The following LIMD1 variants were observed in gnomAD, a reference collection of about 807,000 sequenced individuals.
LIMD1 encodes the protein LIM domain containing 1.
A neutral mutation model predicts 58.4 loss-of-function variants in LIMD1; 23 were observed. That is an observed-to-expected ratio of 0.39 (90% confidence interval 0.28 to 0.56). The LOEUF (loss-of-function observed/expected upper bound fraction) is 0.56. LIMD1 is among the 20% of genes least tolerant of loss of function. The pLI is 0.57. For missense variants in LIMD1, 838 were observed against 855.5 expected (o/e 0.98, Z 0.25); for synonymous variants, 334 against 345.5 (o/e 0.97, Z 0.37).
chr3:45,672,666 A>C (rs779873723), intron 4 of LIMD1, 24 bp from the exon 5 acceptor site: 2 of 1,612,194 alleles, frequency 1.2e-6, no homozygotes, highest in African/African-American at 2.7e-5. Flanking sequence ...TATAATCCCC[A>C]CTGAGTCTTG....
chr3:45,619,862 C>T (rs1262364751), intron 1 of LIMD1, among the ~76,000 whole-genome samples: 2 of 116,864 alleles, frequency 1.7e-5, no homozygotes, highest in Non-Finnish European at 3.2e-5. Context: ...TTTTACTGGG[C>T]ATCCTATATT....
At chr3:45,672,153 C>T (rs756988204) in intron 4 of LIMD1, among the ~76,000 whole-genome samples, 3 of 152,230 alleles carry the variant, frequency 2.0e-5, no homozygotes, top group Non-Finnish European at 4.4e-5. Context: ...TATCATGCTC[C>T]AGAGTCAAAG....
At chr3:45,646,466 T>C (rs556321505) in intron 2 of LIMD1, among the ~76,000 whole-genome samples, 1 of 152,336 alleles carries the variant, frequency 6.6e-6, no homozygotes, top group East Asian at 1.9e-4. Flanking sequence ...TCATGTGGAC[T>C]TCAGTCCTCT....
At chr3:45,610,340 G>A (rs1002943633) in intron 1 of LIMD1, among the ~76,000 whole-genome samples, 1 of 152,166 alleles carries the variant, frequency 6.6e-6, no homozygotes, top group African/African-American at 2.4e-5. Flanking sequence ...GGAGGCAGGG[G>A]CACTGGGCTG....
At chr3:45,637,363 C>T (rs576767039) in intron 2 of LIMD1, among the ~76,000 whole-genome samples, 2 of 152,034 alleles carry the variant, frequency 1.3e-5, no homozygotes, top group South Asian at 4.2e-4. Flanking sequence ...TCACTGCAAC[C>T]TCCGCCTCCT....
intron 2 of LIMD1, among the ~76,000 whole-genome samples, chr3:45,643,644 G>A (rs935423948): frequency 1.2e-4 from 19 of 152,240 alleles, no homozygotes; most frequent in Non-Finnish European, 2.2e-4. Flanking sequence ...TTAGTTTTTC[G>A]GTGATATGAG....
chr3:45,615,115 A>C (rs1014952611), intron 1 of LIMD1, among the ~76,000 whole-genome samples: 1 of 152,202 alleles, frequency 6.6e-6, no homozygotes, highest in Admixed American at 6.5e-5. Context: ...GTTCTATGTG[A>C]CACGGGAGCC....
intron 2 of LIMD1, among the ~76,000 whole-genome samples, chr3:45,649,847 T>TG (rs1701948669): frequency 8.7e-6 from 1 of 115,122 alleles, no homozygotes; most frequent in African/African-American, 4.0e-5. Context: ...GAAGTTTTTT[T>TG]GTTTTTTTTT....
In LIMD1 at chr3:45,594,857, AGGCCCGGACACCTGTCT is replaced by A. The variant is rs1701324540; in HGVS notation, c.-21_-5del. 6.6e-7 allele frequency: 1 copy of A among 1,521,552 alleles called. No homozygotes were observed. Among genetic ancestry groups the A allele is most frequent in the Non-Finnish European group, 8.9e-7 (1 of 1,121,588 alleles). The allele number at this position is 1,521,552 out of a possible 1,614,324, so 94.3% of individuals were successfully genotyped here. ...CACACACACACACGGCACCTGGGCT[AGGCCCGGACACCTGTCT>A]GCAGCATGGATAAGTATGACGACCT... On this transcript the variant is annotated 5_prime_UTR_variant, in exon 1 of 8. Transcript: ENST00000273317.
At chr3:45,663,247 A>G (rs1164078217) in intron 2 of LIMD1, among the ~76,000 whole-genome samples, 1 of 152,196 alleles carries the variant, frequency 6.6e-6, no homozygotes, top group Non-Finnish European at 1.5e-5. Context: ...TAGTTTTTCC[A>G]TAACAACGTT....
At chr3:45,615,839 G>A (rs1426831823) in intron 1 of LIMD1, among the ~76,000 whole-genome samples, 1 of 141,440 alleles carries the variant, frequency 7.1e-6, no homozygotes, top group African/African-American at 2.6e-5. Flanking sequence ...CTGTCATTCC[G>A]CACTGTATGT....
At chr3:45,643,201 G>A (rs115551173) in intron 2 of LIMD1, among the ~76,000 whole-genome samples, 2,443 of 152,196 alleles carry the variant, frequency 0.016, 55 homozygotes, top group African/African-American at 0.056. Flanking sequence ...GAATAGTCTG[G>A]GAGGCCAGGC....
chr3:45,600,850 G>A (rs1258104988), intron 1 of LIMD1, among the ~76,000 whole-genome samples: 1 of 152,154 alleles, frequency 6.6e-6, no homozygotes, highest in Admixed American at 6.6e-5. Context: ...AATTGCTTGA[G>A]CCCAGGAGTT....
intron 1 of LIMD1, among the ~76,000 whole-genome samples, chr3:45,616,884 G>A (rs1327051564): frequency 1.3e-5 from 2 of 150,972 alleles, no homozygotes; most frequent in Non-Finnish European, 2.9e-5. Flanking sequence ...ACAGGTGTGC[G>A]CCACCATGCC....
chr3:45,597,467 T>C lies in LIMD1; in HGVS notation c.1408+1180T>C, dbSNP rs148233396. Among the ~76,000 whole-genome samples the C allele has an allele frequency of 4.0e-3, 614 of 152,364 alleles. 9 individuals carry two copies. The highest frequency in any genetic ancestry group is 0.014 in the African/African-American group (585 of 41,584). Reference sequence around the variant, plus strand: ...TTGCATGTTTTGTTTTATTCTCTTTTTTAAAACCACAAACTCTTGGAGACT... The same window carrying C: ...TTGCATGTTTTGTTTTATTCTCTTTCTTAAAACCACAAACTCTTGGAGACT... On this transcript the variant is annotated intron_variant, in intron 1 of 7. Coordinates refer to ENST00000273317, the MANE Select transcript of LIMD1 (RefSeq NM_014240.3).
chr3:45,673,052 G>A (rs946783336), intron 5 of LIMD1, among the ~76,000 whole-genome samples: 1 of 151,832 alleles, frequency 6.6e-6, no homozygotes, highest in African/African-American at 2.4e-5. Flanking sequence ...AAACAACAGA[G>A]CACAGAAAAA....
At chr3:45,665,797 G>C (rs557441430) in intron 3 of LIMD1, 80 bp downstream of exon 3, 1 of 1,198,902 alleles carries the variant, frequency 8.3e-7, no homozygotes, top group Admixed American at 1.9e-5. Flanking sequence ...CTGGGCCAGC[G>C]TGTAGGGAAG....
At chr3:45,627,171 T>A (rs976511219) in intron 1 of LIMD1, among the ~76,000 whole-genome samples, 1 of 152,102 alleles carries the variant, frequency 6.6e-6, no homozygotes, top group East Asian at 1.9e-4. Context: ...ATCTCCTAGC[T>A]GCAGCCAAGA....
At chr3:45,642,643 T>C (rs879658614) in intron 2 of LIMD1, among the ~76,000 whole-genome samples, 4 of 152,194 alleles carry the variant, frequency 2.6e-5, no homozygotes, top group Admixed American at 2.0e-4. Context: ...TTTAACATCA[T>C]GTCATAGTTC....
Sources: gnomAD v4.1 joint callset for allele counts (sites outside exome capture counted in the v4.1 genomes callset) on GRCh38, gnomAD v4.1.1 for gene constraint, MANE v1.5 for transcripts, NCBI Gene and HGNC (gene_info 2026-07-23, HGNC 2026-07-21) for gene names.